RBFOX1: variants seen among roughly 807,000 people sequenced by gnomAD.
RBFOX1 encodes RNA binding protein fox-1 homolog 1.
A neutral mutation model predicts 57.7 loss-of-function variants in RBFOX1; 8 were observed. The observed-to-expected ratio is 0.14, with a 90% CI of 0.08 to 0.25. RBFOX1 has a LOEUF of 0.25. Ranked by LOEUF, RBFOX1 falls within the 10% of genes least tolerant of loss-of-function variation. RBFOX1 has a pLI of 1.00. For synonymous variants in RBFOX1, 326 were observed against 222.4 expected, an observed-to-expected ratio of 1.47 and a Z score of -4.15; for missense variants, 611 against 548.5, an observed-to-expected ratio of 1.11 and a Z score of -1.14.
chr16:7,184,297 T>G (rs2083292412), intron 4 of RBFOX1, among the ~76,000 whole-genome samples: 2 of 152,186 alleles, frequency 1.3e-5, no homozygotes, highest in Admixed American at 6.5e-5. Flanking sequence ...TGGAATGACC[T>G]TAGAGGGAAG....
chr16:6,903,398 T>C (rs1217529433), intron 3 of RBFOX1, among the ~76,000 whole-genome samples: 1 of 152,176 alleles, frequency 6.6e-6, no homozygotes, highest in East Asian at 1.9e-4. Context: ...AGAGGCCAGT[T>C]CTGCGCTCCA....
intron 1 of RBFOX1, among the ~76,000 whole-genome samples, chr16:5,403,940 C>T (rs931086614): frequency 3.3e-5 from 5 of 151,756 alleles, no homozygotes; most frequent in South Asian, 4.2e-4. Context: ...TGGGAAGACA[C>T]CTCTGGGGAG....
chr16:6,132,860 G>A (rs536844634), intron 1 of RBFOX1, among the ~76,000 whole-genome samples: 1 of 151,778 alleles, frequency 6.6e-6, no homozygotes, highest in African/African-American at 2.4e-5. Context: ...GGTGGCGCAT[G>A]CCTGTAGTCC....
intron 4 of RBFOX1, among the ~76,000 whole-genome samples, chr16:7,141,921 C>T (rs771199051): frequency 6.6e-6 from 1 of 152,160 alleles, no homozygotes; most frequent in Non-Finnish European, 1.5e-5. Context: ...TCATGTCAGT[C>T]CCCTTCCCCC....
At chr16:6,560,482 G>C (rs943601073) in intron 2 of RBFOX1, among the ~76,000 whole-genome samples, 1 of 152,092 alleles carries the variant, frequency 6.6e-6, no homozygotes, top group Non-Finnish European at 1.5e-5. Context: ...CAAAGCAAAA[G>C]ATCTAAGGCT....
chr16:5,276,061 A>G (rs2058123527), intron 1 of RBFOX1, among the ~76,000 whole-genome samples: 1 of 152,250 alleles, frequency 6.6e-6, no homozygotes, highest in African/African-American at 2.4e-5. Flanking sequence ...CTTAAATCTA[A>G]GGTCTGAAAC....
At chr16:5,824,564 C>G (rs139292936) in intron 3 of RBFOX1, among the ~76,000 whole-genome samples, 1 of 152,172 alleles carries the variant, frequency 6.6e-6, no homozygotes, top group Admixed American at 6.5e-5. Context: ...TGCAATTTCC[C>G]TCCTCCTGTC....
At chr16:6,204,031 T>C (rs2097236167) in intron 1 of RBFOX1, among the ~76,000 whole-genome samples, 1 of 150,964 alleles carries the variant, frequency 6.6e-6, no homozygotes, top group South Asian at 2.1e-4. Flanking sequence ...AGAAATGACA[T>C]TCATAAAATT....
rs1400787482 is a variant in RBFOX1, at chr16:6,545,474, G to T, written c.-63-109129G>T. ...ATGTCATTTCTGTTGCAGCCTTGGA[G>T]ACGTGTGCCTCTCCTTCTGCCAGAG... is the stretch of plus-strand genomic sequence containing the variant. On this transcript the variant is annotated intron_variant, in intron 2 of 15. Transcript: ENST00000550418. Among the ~76,000 whole-genome samples the T allele has an allele frequency of 3.3e-5, 5 of 152,122 alleles. No homozygotes were observed. In the South Asian group the frequency reaches 8.3e-4, roughly 25 times the overall value.
At chr16:7,574,213 A>G (rs183751189) in intron 5 of RBFOX1, among the ~76,000 whole-genome samples, 9 of 152,282 alleles carry the variant, frequency 5.9e-5, no homozygotes, top group African/African-American at 1.9e-4. Context: ...ATCCAGGGCC[A>G]TGATCGAAGG....
At chr16:5,795,697 C>T (rs186906382) in intron 3 of RBFOX1, among the ~76,000 whole-genome samples, 9 of 152,322 alleles carry the variant, frequency 5.9e-5, no homozygotes, top group Non-Finnish European at 1.2e-4. Flanking sequence ...AAGAAGCCTT[C>T]TCTGGCCTCC....
rs367789928 is a variant in RBFOX1, at chr16:7,499,837, C to G, written c.28-18310C>G. Among the ~76,000 whole-genome samples the G allele has an allele frequency of 2.6e-4, 40 of 151,904 alleles. No homozygotes were observed. In the East Asian group the frequency reaches 7.7e-3, roughly 29 times the overall value. On this transcript the variant is annotated intron_variant, in intron 4 of 15. Transcript: ENST00000550418. ...TGTTGAGACAATTAACTACAATATC[C>G]TAAGTTGCACACAATTATTGGGCCA... is the stretch of plus-strand genomic sequence containing the variant.
At chr16:5,932,024 G>T (rs899973791) in intron 4 of RBFOX1, among the ~76,000 whole-genome samples, 1 of 151,902 alleles carries the variant, frequency 6.6e-6, no homozygotes, top group African/African-American at 2.4e-5. Flanking sequence ...GGCTGGTTTC[G>T]GACTCTTGGA....
At chr16:6,000,155 C>T (rs918205029) in intron 4 of RBFOX1, among the ~76,000 whole-genome samples, 1 of 152,120 alleles carries the variant, frequency 6.6e-6, no homozygotes, top group Non-Finnish European at 1.5e-5. Flanking sequence ...AGAATTAACT[C>T]ATCTACATTT....
chr16:5,370,621 C>G (rs574787014), intron 1 of RBFOX1, among the ~76,000 whole-genome samples: 1 of 151,388 alleles, frequency 6.6e-6, no homozygotes, highest in Admixed American at 6.6e-5. Context: ...GCCTCCTAAG[C>G]AGCTGAGGCC....
At chr16:6,938,720 T>G (rs1375494942) in intron 3 of RBFOX1, among the ~76,000 whole-genome samples, 1 of 152,066 alleles carries the variant, frequency 6.6e-6, no homozygotes, top group Non-Finnish European at 1.5e-5. Context: ...TCACTTGAGA[T>G]CAGAAGTTTG....
chr16:7,694,981 T>C (rs569178777), intron 14 of RBFOX1, among the ~76,000 whole-genome samples: 1 of 152,292 alleles, frequency 6.6e-6, no homozygotes, highest in South Asian at 2.1e-4. Context: ...TTTTGCCCCG[T>C]GACTTAAACC....
At chr16:6,897,925 C>G (rs1283860034) in intron 3 of RBFOX1, among the ~76,000 whole-genome samples, 2 of 152,184 alleles carry the variant, frequency 1.3e-5, no homozygotes, top group South Asian at 2.1e-4. Context: ...CAGACACGAG[C>G]TACCCTCTGT....
chr16:7,643,501 C>T (rs951226066), intron 11 of RBFOX1, among the ~76,000 whole-genome samples: 1 of 152,142 alleles, frequency 6.6e-6, no homozygotes, highest in African/African-American at 2.4e-5. Flanking sequence ...GTTTCTCATT[C>T]CAGTCTTCCA....
Sources: gnomAD v4.1 joint callset for allele counts (sites outside exome capture counted in the v4.1 genomes callset) on GRCh38, gnomAD v4.1.1 for gene constraint, MANE v1.5 for transcripts, NCBI Gene and HGNC (gene_info 2026-07-23, HGNC 2026-07-21) for gene names.